Variants in QRICH1 observed in about 807,000 individuals in gnomAD.
The protein encoded by QRICH1 is transcriptional regulator QRICH1.
A neutral mutation model predicts 87.1 loss-of-function variants in QRICH1; 16 were observed. That is an observed-to-expected ratio of 0.18 (90% CI 0.12 to 0.28). The LOEUF (loss-of-function observed/expected upper bound fraction) is 0.28, where lower values mean the gene tolerates loss of function less well. Among genes scored for constraint, QRICH1 ranks in the 10% least tolerant of loss-of-function variants. The pLI, the probability that QRICH1 is intolerant of heterozygous loss-of-function variation, is 1.00. For missense variants in QRICH1, 647 were observed against 951.7 expected (o/e 0.68, Z 4.21); for synonymous variants, 367 against 368.4 (o/e 1.00, Z 0.05).
At chr3:49,082,928 G>A (rs567221915) in intron 1 of QRICH1, among the ~76,000 whole-genome samples, 56 of 151,292 alleles carry the variant, frequency 3.7e-4, no homozygotes, top group African/African-American at 1.3e-3. Flanking sequence ...GGCCAGGTGT[G>A]GTGACTCACG....
chr3:49,033,105 C>T lies in QRICH1; in HGVS notation c.1895+15G>A, dbSNP rs2093252281. The T allele has an allele frequency of 6.7e-7, 1 of 1,493,760 alleles. No homozygotes were observed. Among genetic ancestry groups the T allele is most frequent in the Non-Finnish European group, 9.0e-7 (1 of 1,111,228 alleles). The allele number at this position is 1,493,760 out of a possible 1,614,324, so 92.5% of individuals were successfully genotyped here. On this transcript the variant is annotated intron_variant, in intron 7 of 9. Coordinates refer to ENST00000395443, the MANE Select transcript of QRICH1 (RefSeq NM_198880.3). ...ACTGGACAGATGCCAGCAGTGGAGC[C>T]TCTAGAACACTTACTTGGTATTAAA...
chr3:49,069,694 G>C (rs2093489837), intron 2 of QRICH1, among the ~76,000 whole-genome samples: 1 of 151,722 alleles, frequency 6.6e-6, no homozygotes, highest in African/African-American at 2.4e-5. Flanking sequence ...TGCCCAGGCT[G>C]GTCTTGAATT....
rs1032111193 is a variant in QRICH1 at position 49,057,655 on chromosome 3, G to C, written c.545C>G (p.Ala182Gly). The C allele has an allele frequency of 1.2e-6, 2 of 1,614,102 alleles. No individual in the cohort carries two copies. The highest frequency in any genetic ancestry group is 2.2e-5 in the East Asian group (1 of 44,896). The change falls in exon 3 of 10, where the codon GCT (alanine) becomes GGT (glycine). Residue 182 changes from alanine to glycine, a missense_variant. Around this residue, in one of 7 missense-constraint regions of QRICH1, gnomAD observed 156 missense variants for 164.5 expected, o/e 0.95. Coordinates refer to ENST00000395443, the MANE Select transcript of QRICH1 (RefSeq NM_198880.3). The surrounding 1 kb of genome is among the most constrained non-coding windows in gnomAD (Gnocchi z 5.4). ...QHVQAAQQIQ[A>G]AEIPEEHIPH... ...GATGTGCTCCTCCGGGATTTCTGCAGCCTGGATCTGCTGGGCTGCTTGCAC... is the reference window on the plus strand; with the variant it reads ...GATGTGCTCCTCCGGGATTTCTGCACCCTGGATCTGCTGGGCTGCTTGCAC...
At chr3:49,088,497 C>T (rs937570196) in intron 1 of QRICH1, among the ~76,000 whole-genome samples, 2 of 151,202 alleles carry the variant, frequency 1.3e-5, no homozygotes, top group African/African-American at 2.4e-5. Flanking sequence ...GGGGTTTCAC[C>T]ATATTGGCCA....
rs1265397122 is a variant in QRICH1 at position 49,029,796 on chromosome 3, G to C, written c.*656C>G. ...AGTGGTATCTTTATATGATACACAA[G>C]TGTATGTTACAAGAATTCCATCAGG... On this transcript the variant is annotated 3_prime_UTR_variant, in exon 10 of 10. Transcript: ENST00000395443. The C allele has an allele frequency of 4.9e-6, 1 of 203,866 alleles. No homozygotes were observed. Among genetic ancestry groups the C allele is most frequent in the African/African-American group, 2.3e-5 (1 of 42,560 alleles). The allele number at this position is 203,866 out of a possible 1,614,324, so 12.6% of individuals were successfully genotyped here.
chr3:49,046,923 T>A, intron 4 of QRICH1, 146 bp downstream of exon 4: 1 of 1,008,438 alleles, frequency 9.9e-7, no homozygotes, highest in Non-Finnish European at 1.5e-6. Flanking sequence ...TACTGCTTGT[T>A]ACTAGGCTTG....
At chr3:49,047,780 G>T (rs947176099) in intron 3 of QRICH1, among the ~76,000 whole-genome samples, 1 of 151,920 alleles carries the variant, frequency 6.6e-6, no homozygotes. Context: ...ACTGTGCCCG[G>T]TCAAATCTTT....
intron 2 of QRICH1, among the ~76,000 whole-genome samples, chr3:49,069,706 C>T (rs1290417961): frequency 2.0e-5 from 3 of 151,912 alleles, no homozygotes; most frequent in Admixed American, 1.3e-4. Flanking sequence ...TCTTGAATTC[C>T]TGAACTCAAA....
At position 49,030,408 on chromosome 3, in the gene QRICH1, T is replaced by A. The variant is rs745903780; in HGVS notation, c.*44A>T. 8.9e-6 allele frequency: 14 copies of A among 1,579,600 alleles called. No homozygotes were observed. The highest frequency in any genetic ancestry group is 2.6e-6 in the Non-Finnish European group (3 of 1,157,402). On this transcript the variant is annotated 3_prime_UTR_variant, in exon 10 of 10. Transcript: ENST00000395443. Reference sequence around the variant, plus strand: ...CTCTTCTTTAGTGTGAAAGTCTGTCTGGTTTTTCCTGGCTGGTTTCTCTTG... The same window carrying A: ...CTCTTCTTTAGTGTGAAAGTCTGTCAGGTTTTTCCTGGCTGGTTTCTCTTG...
At position 49,057,566 on chromosome 3, in the gene QRICH1, G is replaced by C. The variant is rs756256534; in HGVS notation, c.634C>G (p.Gln212Glu). 1 of 1,613,458 alleles carries C rather than the reference G, an allele frequency of 6.2e-7. No homozygotes were observed. The highest frequency in any genetic ancestry group is 1.1e-5 in the South Asian group (1 of 91,012). ...GQSLAGGQQI[Q>E]IQTVGALSPP... The stretch of plus-strand genomic sequence containing the variant: ...GAAAGGGCACCCACGGTCTGGATTT[G>C]GATCTGCTGACCACCAGCAAGAGAC... The change falls in exon 3 of 10, where the codon CAA (glutamine) becomes GAA (glutamate). Residue 212 changes from glutamine to glutamate, a missense_variant. Physicochemically the swap from Gln to Glu is conservative, Grantham distance 29. Around this residue, in one of 7 missense-constraint regions of QRICH1, gnomAD observed 156 missense variants for 164.5 expected, o/e 0.95. Coordinates refer to ENST00000395443, the MANE Select transcript of QRICH1 (RefSeq NM_198880.3). The surrounding 1 kb of genome is among the most constrained non-coding windows in gnomAD (Gnocchi z 5.4).
At chr3:49,088,818 C>G (rs1559959083) in intron 1 of QRICH1, among the ~76,000 whole-genome samples, 1 of 151,544 alleles carries the variant, frequency 6.6e-6, no homozygotes, top group South Asian at 2.1e-4. Flanking sequence ...GAAATGGGGT[C>G]TTGCCATCTT....
chr3:49,072,120 C>T (rs958824784), intron 2 of QRICH1, among the ~76,000 whole-genome samples: 1 of 152,114 alleles, frequency 6.6e-6, no homozygotes, highest in Non-Finnish European at 1.5e-5. Context: ...CACTTAAAGT[C>T]AGGAGTTCAA....
At chr3:49,065,695 T>G (rs894008158) in intron 2 of QRICH1, among the ~76,000 whole-genome samples, 1 of 151,990 alleles carries the variant, frequency 6.6e-6, no homozygotes, top group Non-Finnish European at 1.5e-5. Flanking sequence ...TTTTTTTTTT[T>G]TTTGAGACGG....
In QRICH1 at chr3:49,054,270, T is replaced by C. The variant is rs113980471; in HGVS notation, c.1338+2592A>G. On this transcript the variant is annotated intron_variant, in intron 3 of 9. Coordinates refer to ENST00000395443, the MANE Select transcript of QRICH1 (RefSeq NM_198880.3). ...ATTGGACCATCAGGCCCAGGAGAGC[T>C]AGGGGAGGCCTAATGGGCTCCATCT... 6.4e-3 allele frequency among the ~76,000 whole-genome samples: 979 copies of C among 152,318 alleles called. 15 individuals are homozygous for C. The highest frequency in any genetic ancestry group is 0.022 in the African/African-American group (928 of 41,570).
intron 2 of QRICH1, among the ~76,000 whole-genome samples, chr3:49,060,035 C>T (rs1239485311): frequency 6.6e-6 from 1 of 151,946 alleles, no homozygotes. Flanking sequence ...CAGGTGCGTG[C>T]CACCACGCCC....
chr3:49,056,692 C>T, intron 3 of QRICH1, 170 bp downstream of exon 3: 1 of 1,206,322 alleles, frequency 8.3e-7, no homozygotes, highest in Admixed American at 2.3e-5. Context: ...ACTCTTTTTT[C>T]TGTTGCATAG....
chr3:49,090,812 CAG>C (rs1290484587), intron 1 of QRICH1, among the ~76,000 whole-genome samples: 1 of 152,100 alleles, frequency 6.6e-6, no homozygotes, highest in South Asian at 2.1e-4. Context: ...AATTTAATAA[CAG>C]AAATCACAAT....
intron 2 of QRICH1, among the ~76,000 whole-genome samples, chr3:49,062,305 C>A (rs1388158118): frequency 6.6e-6 from 1 of 151,018 alleles, no homozygotes; most frequent in East Asian, 1.9e-4. Context: ...TATACCCAGC[C>A]CAGTCAAGGA....
At chr3:49,035,731 T>C (rs1379248292) in intron 6 of QRICH1, among the ~76,000 whole-genome samples, 1 of 151,148 alleles carries the variant, frequency 6.6e-6, no homozygotes, top group Non-Finnish European at 1.5e-5. Context: ...GAGGCAGCAG[T>C]GAACTATCAT....
Sources: allele counts gnomAD v4.1 joint callset (sites outside exome capture counted in the v4.1 genomes callset), GRCh38; gene constraint gnomAD v4.1.1; regional missense constraint gnomAD v4.1.1; non-coding constraint Gnocchi (gnomAD v3.1); transcripts MANE v1.5; gene names NCBI Gene and HGNC (gene_info 2026-07-23, HGNC 2026-07-21).